DSTN: variants seen among roughly 807,000 people sequenced by gnomAD.
DSTN encodes the protein destrin.
In DSTN, 10 loss-of-function variants were observed where a neutral mutation model predicts 16.8. The ratio of observed to expected loss-of-function variants is 0.60; its 90% CI spans 0.37 to 1.01. The LOEUF (loss-of-function observed/expected upper bound fraction) is 1.01. Among genes scored for constraint, DSTN ranks in the 50% least tolerant of loss-of-function variants. The pLI is 0.01. For missense variants in DSTN, 141 were observed against 196.7 expected, an observed-to-expected ratio of 0.72 and a Z score of 1.69; for synonymous variants, 57 against 58.9, an observed-to-expected ratio of 0.97 and a Z score of 0.14.
At chr20:17,606,528 C>CTAG (rs1290742506) in intron 3 of DSTN, among the ~76,000 whole-genome samples, 1 of 152,172 alleles carries the variant, frequency 6.6e-6, no homozygotes, top group Admixed American at 6.5e-5. Flanking sequence ...AGAAAATTTT[C>CTAG]TTACTAGACC....
At position 17,607,586 on chromosome 20, in the gene DSTN, C is replaced by CT; in HGVS notation, c.*442dup. On this transcript the variant is annotated 3_prime_UTR_variant, in exon 4 of 4. Transcript: ENST00000246069. Reference sequence around the variant, plus strand: ...AGCAGAATAATGGAATATAATATGTCTTCATAATATAACAACACTAATACA... The same window carrying CT: ...AGCAGAATAATGGAATATAATATGTCTTTCATAATATAACAACACTAATACA... The CT allele has an allele frequency of 6.5e-6, 1 of 154,766 alleles. No homozygotes were observed. The highest frequency in any genetic ancestry group is 2.4e-5 in the African/African-American group (1 of 41,576). 9.6% of individuals were successfully genotyped at this position (154,766 alleles called of 1,614,324 possible). A position where few individuals can be genotyped will look rare whatever the true frequency, so the allele number is the denominator to read the frequency against.
At chr20:17,605,171 C>G (rs1194901606) in intron 3 of DSTN, 1 of 456,308 alleles carries the variant, frequency 2.2e-6, no homozygotes, top group Non-Finnish European at 4.4e-6. Flanking sequence ...TGATTGGGAT[C>G]CTGATGAGAT....
At chr20:17,595,819 A>G (rs539246108) in intron 1 of DSTN, among the ~76,000 whole-genome samples, 3 of 151,494 alleles carry the variant, frequency 2.0e-5, no homozygotes, top group African/African-American at 4.9e-5. Context: ...GTATGTTTTA[A>G]TTTTTTTTTA....
chr20:17,607,071 A>T lies in DSTN; in HGVS notation c.423A>T (p.Glu141Asp). The T allele has an allele frequency of 3.7e-6, 6 of 1,613,952 alleles. No homozygotes were observed. Among genetic ancestry groups the T allele is most frequent in the Non-Finnish European group, 5.1e-6 (6 of 1,179,994 alleles). ...ATGAATGTCAAGCAAATGGACCAGA[A>T]GATCTCAATCGGGCTTGTATTGCTG... is the stretch of plus-strand genomic sequence containing the variant. ...IKHECQANGP[E>D]DLNRACIAEK... The change falls in exon 4 of 4, where the codon GAA (glutamate) becomes GAT (aspartate). Residue 141 changes from glutamate (E) to aspartate (D), a missense_variant. Physicochemically the swap from Glu to Asp is conservative, Grantham distance 45. Transcript: ENST00000246069.
chr20:17,601,335 C>G (rs776571513), intron 2 of DSTN, among the ~76,000 whole-genome samples: 3 of 150,334 alleles, frequency 2.0e-5, no homozygotes, highest in Non-Finnish European at 4.4e-5. Flanking sequence ...CTAAAATTTC[C>G]TACTACTTTT....
intron 1 of DSTN, among the ~76,000 whole-genome samples, chr20:17,593,923 A>AT (rs2035497614): frequency 1.3e-5 from 2 of 151,440 alleles, no homozygotes; most frequent in Admixed American, 6.6e-5. Flanking sequence ...TACAAAAAAA[A>AT]TTTTAAAAAT....
chr20:17,588,086 A>G (rs2035431025), intron 1 of DSTN, among the ~76,000 whole-genome samples: 1 of 152,090 alleles, frequency 6.6e-6, no homozygotes, highest in Non-Finnish European at 1.5e-5. Flanking sequence ...TTTCCCCTCC[A>G]GGCACGTTTC....
intron 1 of DSTN, among the ~76,000 whole-genome samples, chr20:17,572,958 G>T (rs1376412908): frequency 5.3e-5 from 8 of 152,062 alleles, no homozygotes; most frequent in African/African-American, 1.9e-4. Flanking sequence ...AACCATTCCT[G>T]TGTCAAAGAC....
chr20:17,570,156 A>G lies in DSTN; in HGVS notation c.-53A>G. 2.0e-6 allele frequency: 3 copies of G among 1,515,600 alleles called. No individual in the cohort carries two copies. The highest frequency in any genetic ancestry group is 2.2e-4 in the Middle Eastern group (1 of 4,510). The allele number at this position is 1,515,600 out of a possible 1,614,324, so 93.9% of individuals were successfully genotyped here. On this transcript the variant is annotated 5_prime_UTR_variant, in exon 1 of 4. The change creates a new upstream start codon in the 5' untranslated region. Coordinates refer to ENST00000246069, the MANE Select transcript of DSTN (RefSeq NM_006870.4). ...CAGCCGTGAGGAGGACGGTCTGCAT[A>G]CTCGCTGCCCGCCGGCTCCCTCCCC...
At chr20:17,595,220 T>C (rs2035513564) in intron 1 of DSTN, among the ~76,000 whole-genome samples, 1 of 152,220 alleles carries the variant, frequency 6.6e-6, no homozygotes, top group Non-Finnish European at 1.5e-5. Flanking sequence ...CCTTAGGTAG[T>C]TCCTTTTGGA....
chr20:17,590,122 C>T (rs2035453928), intron 1 of DSTN, among the ~76,000 whole-genome samples: 1 of 152,174 alleles, frequency 6.6e-6, no homozygotes, highest in African/African-American at 2.4e-5. Context: ...TTACAAAAAT[C>T]AAATTAGAAA....
At position 17,574,742 on chromosome 20, in the gene DSTN, A is replaced by AT. The variant is rs1263789914; in HGVS notation, c.3+4531_3+4532insT. ...CTCAGTCTCAAAAAAAAAAAAAAAA[A>AT]AAAAATTAAAAGTCTAAAAAACAAA... On this transcript the variant is annotated intron_variant, in intron 1 of 3. Transcript: ENST00000246069. 4.7e-5 allele frequency among the ~76,000 whole-genome samples: 7 copies of AT among 149,038 alleles called. 1 individual carries two copies. Among genetic ancestry groups the AT allele is most frequent in the Non-Finnish European group, 9.0e-5 (6 of 66,980 alleles).
chr20:17,570,423 G>A (rs1468798611), intron 1 of DSTN, among the ~76,000 whole-genome samples: 1 of 152,228 alleles, frequency 6.6e-6, no homozygotes, highest in Non-Finnish European at 1.5e-5. Context: ...GGGTGGATCC[G>A]CGGCTGTTGC....
chr20:17,583,922 C>G (rs550886258), intron 1 of DSTN, among the ~76,000 whole-genome samples: 4 of 151,590 alleles, frequency 2.6e-5, no homozygotes, highest in Admixed American at 6.6e-5. Flanking sequence ...GTTTTTTTGT[C>G]AAGATGAGGT....
chr20:17,582,096 T>TTTTTTA (rs2035352447), intron 1 of DSTN, among the ~76,000 whole-genome samples: 2 of 135,460 alleles, frequency 1.5e-5, no homozygotes, highest in African/African-American at 5.6e-5. Context: ...TTTTTTTTTT[T>TTTTTTA]GAGACTGAGT....
rs568702834 is a variant in DSTN at position 17,570,100 on chromosome 20, C to T, written c.-109C>T. ...GCCCCGGGGTAAGCTCGCGCCGCCG[C>T]GTCAGCTCAGCGCTGGGTCTCTCGG... On this transcript the variant is annotated 5_prime_UTR_variant, in exon 1 of 4. Transcript: ENST00000246069. 197 of 1,466,306 alleles carry T rather than the reference C, an allele frequency of 1.3e-4. 2 individuals carry two copies. The African/African-American group carries it at 2.6e-3, about 19-fold the overall frequency. The allele number at this position is 1,466,306 out of a possible 1,614,324, so 90.8% of individuals were successfully genotyped here.
Position 17,607,359 on chromosome 20 carries a change from T to G in DSTN, c.*213T>G. The G allele has an allele frequency of 1.4e-5, 6 of 428,660 alleles. No homozygotes were observed. Among genetic ancestry groups the G allele is most frequent in the Non-Finnish European group, 1.6e-5 (4 of 243,892 alleles). The allele number at this position is 428,660 out of a possible 1,614,324, so 26.6% of individuals were successfully genotyped here. ...TGAAATTAAATTCTTATTGGCCAAA[T>G]GCCTGTTTTGATGAGTTGATTTATA... On this transcript the variant is annotated 3_prime_UTR_variant, in exon 4 of 4. Coordinates refer to ENST00000246069, the MANE Select transcript of DSTN (RefSeq NM_006870.4).
intron 1 of DSTN, among the ~76,000 whole-genome samples, chr20:17,589,512 G>T (rs893952533): frequency 1.3e-5 from 2 of 152,158 alleles, no homozygotes; most frequent in Non-Finnish European, 2.9e-5. Context: ...GCCAAGTTCC[G>T]CATCTTAATA....
chr20:17,573,202 T>C (rs528545263), intron 1 of DSTN, among the ~76,000 whole-genome samples: 9 of 152,370 alleles, frequency 5.9e-5, no homozygotes, highest in Non-Finnish European at 8.8e-5. Flanking sequence ...TCCATACTTT[T>C]AGCTACTTAA....
Sources: gnomAD v4.1 joint callset for allele counts (sites outside exome capture counted in the v4.1 genomes callset) on GRCh38, gnomAD v4.1.1 for gene constraint, MANE v1.5 for transcripts, NCBI Gene and HGNC (gene_info 2026-07-23, HGNC 2026-07-21) for gene names.